BABAM2: variants seen among roughly 807,000 people sequenced by gnomAD.
BABAM2 encodes BRISC and BRCA1 A complex member 2.
In BABAM2, 31 loss-of-function variants were observed where a neutral mutation model predicts 54.7. The ratio of observed to expected loss-of-function variants is 0.57; its 90% confidence interval spans 0.43 to 0.77. The LOEUF is 0.77. Among genes scored for constraint, BABAM2 ranks in the 30% least tolerant of loss-of-function variants. BABAM2 has a pLI of 0.00. For missense variants in BABAM2, 364 were observed against 455.8 expected, an observed-to-expected ratio of 0.80 and a Z score of 1.83; for synonymous variants, 167 against 162.9, an observed-to-expected ratio of 1.03 and a Z score of -0.19.
At chr2:28,144,382 G>A (rs7608642) in intron 7 of BABAM2, among the ~76,000 whole-genome samples, 105,919 of 152,016 alleles carry the variant, frequency 0.7, 37,432 homozygotes, top group Middle Eastern at 0.8. Flanking sequence ...GGAAAATGTA[G>A]AAGCAGACAT....
At chr2:27,980,569 A>C (rs1474843010) in intron 3 of BABAM2, among the ~76,000 whole-genome samples, 1 of 152,234 alleles carries the variant, frequency 6.6e-6, no homozygotes, top group African/African-American at 2.4e-5. Flanking sequence ...AGTGTTTCAC[A>C]GTTCTCTGAG....
chr2:27,950,413 G>C (rs1669623170), intron 3 of BABAM2, among the ~76,000 whole-genome samples: 1 of 152,140 alleles, frequency 6.6e-6, no homozygotes, highest in African/African-American at 2.4e-5. Flanking sequence ...AGATGATCAT[G>C]TGGTTTTTCT....
At chr2:28,042,258 AAAAG>A (rs1328051847) in intron 5 of BABAM2, among the ~76,000 whole-genome samples, 1 of 152,220 alleles carries the variant, frequency 6.6e-6, no homozygotes, top group Non-Finnish European at 1.5e-5. Context: ...TGAATTTAAA[AAAAG>A]GTCTGGGATG....
rs527456139 is a variant in BABAM2 at position 28,295,212 on chromosome 2, C to T, written c.935-3126C>T. On this transcript the variant is annotated intron_variant, in intron 10 of 11. Coordinates refer to ENST00000379624, the MANE Select transcript of BABAM2 (RefSeq NM_199191.3). ...TTTCTACAAAACAAAATAATAAGAA[C>T]GAAAATAGAAGGCATTCCAAAACCC... is the stretch of plus-strand genomic sequence containing the variant. Among the ~76,000 whole-genome samples the T allele has an allele frequency of 1.1e-3, 163 of 152,096 alleles. 3 individuals carry two copies. The South Asian group carries it at 0.032, about 30-fold the overall frequency.
intron 2 of BABAM2, chr2:27,896,985 A>G (rs1558568979): frequency 6.5e-6 from 1 of 154,932 alleles, no homozygotes; most frequent in African/African-American, 2.4e-5. Flanking sequence ...CTCGGTCTGC[A>G]CCCTCTCTGC....
intron 2 of BABAM2, among the ~76,000 whole-genome samples, chr2:27,928,339 G>A (rs1475677322): frequency 6.6e-6 from 1 of 151,516 alleles, no homozygotes; most frequent in African/African-American, 2.4e-5. Context: ...TAGTAAAGAT[G>A]GGGTTTCACC....
intron 7 of BABAM2, among the ~76,000 whole-genome samples, chr2:28,181,784 A>T (rs574696648): frequency 1.1e-4 from 16 of 142,454 alleles, no homozygotes; most frequent in African/African-American, 3.0e-4. Flanking sequence ...CACCAATAAA[A>T]TTTTTTTTTT....
chr2:28,099,808 G>A (rs1264630227), intron 6 of BABAM2, among the ~76,000 whole-genome samples: 1 of 152,052 alleles, frequency 6.6e-6, no homozygotes, highest in African/African-American at 2.4e-5. Flanking sequence ...CTCTGTTGTT[G>A]TAAGTTGTCC....
intron 7 of BABAM2, among the ~76,000 whole-genome samples, chr2:28,167,470 G>A (rs1673808210): frequency 6.6e-6 from 1 of 152,104 alleles, no homozygotes; most frequent in Admixed American, 6.5e-5. Context: ...AAGGTGGGAG[G>A]ATCAGCTGAG....
chr2:27,958,903 T>C (rs1475247054), intron 3 of BABAM2, among the ~76,000 whole-genome samples: 1 of 152,166 alleles, frequency 6.6e-6, no homozygotes, highest in Non-Finnish European at 1.5e-5. Context: ...TCAATGTGGC[T>C]CTGTGTTCGT....
At chr2:27,910,029 C>T (rs1415699587) in intron 2 of BABAM2, among the ~76,000 whole-genome samples, 1 of 152,196 alleles carries the variant, frequency 6.6e-6, no homozygotes, top group Admixed American at 6.5e-5. Flanking sequence ...AGTTGCGTGA[C>T]TTGTTCAGGG....
intron 5 of BABAM2, among the ~76,000 whole-genome samples, chr2:28,040,291 A>ATTTTTTTTTTTTTTTTTT (rs1204898070): frequency 5.1e-5 from 5 of 97,236 alleles, no homozygotes; most frequent in African/African-American, 7.5e-5. Flanking sequence ...GAAAAACTGA[A>ATTTTTTTTTTTTTTTTTT]TTCTTTTTTT....
chr2:28,262,380 G>T (rs1487924682), intron 10 of BABAM2, among the ~76,000 whole-genome samples: 1 of 152,184 alleles, frequency 6.6e-6, no homozygotes, highest in East Asian at 1.9e-4. Flanking sequence ...CAGGTATTAT[G>T]TAAAAGATGA....
At chr2:27,987,325 G>GT (rs1672468633) in intron 3 of BABAM2, among the ~76,000 whole-genome samples, 1 of 152,216 alleles carries the variant, frequency 6.6e-6, no homozygotes, top group Non-Finnish European at 1.5e-5. Flanking sequence ...GGCAAAGACT[G>GT]TGTCTATACA....
chr2:27,939,046 G>A (rs1668688251), intron 3 of BABAM2, among the ~76,000 whole-genome samples: 1 of 152,056 alleles, frequency 6.6e-6, no homozygotes, highest in Non-Finnish European at 1.5e-5. Flanking sequence ...TCCACCTCCT[G>A]GGTTCAAGTG....
intron 3 of BABAM2, among the ~76,000 whole-genome samples, chr2:27,961,928 C>T (rs533341006): frequency 2.6e-5 from 4 of 151,920 alleles, no homozygotes; most frequent in African/African-American, 9.7e-5. Flanking sequence ...TGGGGTCTCA[C>T]TATGTTGTCC....
intron 2 of BABAM2, among the ~76,000 whole-genome samples, chr2:27,905,483 G>T (rs1666125628): frequency 6.6e-6 from 1 of 152,118 alleles, no homozygotes; most frequent in African/African-American, 2.4e-5. Flanking sequence ...TTATGGGGGT[G>T]AAATGAGATA....
chr2:28,223,780 G>T (rs985998401), intron 7 of BABAM2, among the ~76,000 whole-genome samples: 5 of 152,348 alleles, frequency 3.3e-5, no homozygotes, highest in African/African-American at 1.2e-4. Flanking sequence ...GCATTTCTCA[G>T]GGGTGGGGCA....
intron 7 of BABAM2, among the ~76,000 whole-genome samples, chr2:28,193,931 G>A (rs892072024): frequency 2.6e-5 from 4 of 152,186 alleles, no homozygotes; most frequent in African/African-American, 9.7e-5. Flanking sequence ...ATATCTGTGG[G>A]AGGCTGTGGT....
Sources: allele counts gnomAD v4.1 joint callset (sites outside exome capture counted in the v4.1 genomes callset), GRCh38; gene constraint gnomAD v4.1.1; transcripts MANE v1.5; gene names NCBI Gene and HGNC (gene_info 2026-07-23, HGNC 2026-07-21).